Variants in ZNF511 observed in about 807,000 individuals in gnomAD.
ZNF511 encodes zinc finger protein 511.
A neutral mutation model predicts 24.8 loss-of-function variants in ZNF511; 26 were observed. The observed-to-expected ratio is 1.05, with a 90% CI of 0.77 to 1.46. The LOEUF (loss-of-function observed/expected upper bound fraction) is 1.46, where lower values mean the gene tolerates loss of function less well. Ranked by LOEUF, ZNF511 falls within the 40% of genes most tolerant of loss-of-function variation. ZNF511 has a pLI of 0.00. For missense variants in ZNF511, 358 were observed against 345.0 expected (o/e 1.04, Z -0.30); for synonymous variants, 144 against 139.6 (o/e 1.03, Z -0.22).
In ZNF511 at chr10:133,310,273, C is replaced by G. The variant is rs1847960132; in HGVS notation, c.539C>G (p.Pro180Arg). 1.2e-6 allele frequency: 2 copies of G among 1,613,948 alleles called. No homozygotes were observed. Among genetic ancestry groups the G allele is most frequent in the Non-Finnish European group, 1.7e-6 (2 of 1,180,036 alleles). ...CCCGCGGACTTCCGGTTTGATAAGC[C>G]AAAGAAAAGCAGAAGGTAGGGAGCC... ...LYPADFRFDK[P>R]KKSRSPASAE... Residue 180 changes from proline to arginine, a missense_variant, in exon 4 of 6, where the codon CCA (proline) becomes CGA (arginine). By Grantham distance (103) the Pro-to-Arg change is moderately radical. Coordinates refer to ENST00000361518, the MANE Select transcript of ZNF511 (RefSeq NM_145806.4).
intron 4 of ZNF511, among the ~76,000 whole-genome samples, chr10:133,310,905 G>A (rs12355950): frequency 0.019 from 2,946 of 152,010 alleles, 42 homozygotes; most frequent in Non-Finnish European, 0.03. Flanking sequence ...AGGCTCAAGC[G>A]ATTCTCCCAC....
At chr10:133,311,367 A>G (rs1463035453) in intron 4 of ZNF511, among the ~76,000 whole-genome samples, 2 of 152,250 alleles carry the variant, frequency 1.3e-5, no homozygotes, top group Non-Finnish European at 1.5e-5. Flanking sequence ...CATTCGTATT[A>G]TGGAAGAGAC....
chr10:133,312,867 T>A lies in ZNF511; in HGVS notation c.*1T>A, dbSNP rs761887969. On this transcript the variant is annotated 3_prime_UTR_variant, in exon 6 of 6. Transcript: ENST00000361518. ...CAAGAAGAAAACCAAACAATGCTGATAGACTCAGAAAAGGAGTGGGGGGCA... is the reference window on the plus strand; with the variant it reads ...CAAGAAGAAAACCAAACAATGCTGAAAGACTCAGAAAAGGAGTGGGGGGCA... 6 of 1,614,174 alleles carry A rather than the reference T, an allele frequency of 3.7e-6. No individual in the cohort carries two copies. In the South Asian group the frequency reaches 6.6e-5, roughly 18 times the overall value.
chr10:133,309,748 G>C (rs1476847551), intron 2 of ZNF511, 28 bp from the exon 3 acceptor site: 1 of 1,611,356 alleles, frequency 6.2e-7, no homozygotes, highest in East Asian at 2.2e-5. Context: ...ACCGGAGGAA[G>C]GGCTCCTGAA....
chr10:133,309,733 C>T (rs1847943862), intron 2 of ZNF511, 43 bp from the exon 3 acceptor site: 1 of 1,608,100 alleles, frequency 6.2e-7, no homozygotes, highest in Non-Finnish European at 8.5e-7. Flanking sequence ...AGCTTGGTTC[C>T]TCGCACCGGA....
chr10:133,309,173 G>T, intron 1 of ZNF511, 77 bp downstream of exon 1: 1 of 1,372,614 alleles, frequency 7.3e-7, no homozygotes, highest in South Asian at 1.7e-5. Flanking sequence ...CCGGAGCCTG[G>T]AGTGGGAGGG....
intron 2 of ZNF511, 40 bp from the exon 3 acceptor site, chr10:133,309,736 G>A (rs150729578): frequency 6.2e-7 from 1 of 1,607,268 alleles, no homozygotes; most frequent in Non-Finnish European, 8.5e-7. Context: ...TTGGTTCCTC[G>A]CACCGGAGGA....
At chr10:133,309,666 CA>C in intron 2 of ZNF511, 109 bp from the exon 3 acceptor site, 1 of 1,382,864 alleles carries the variant, frequency 7.2e-7, no homozygotes, top group Non-Finnish European at 1.0e-6. Flanking sequence ...TTTGGGATTG[CA>C]AAAGATGCAT....
In ZNF511 at chr10:133,309,451, C is replaced by T. The variant is rs367646550; in HGVS notation, c.215C>T (p.Pro72Leu). 2.5e-6 allele frequency: 4 copies of T among 1,612,288 alleles called. No homozygotes were observed. Among genetic ancestry groups the T allele is most frequent in the Non-Finnish European group, 3.4e-6 (4 of 1,179,690 alleles). The change falls in exon 2 of 6, where the codon CCT becomes CTT. Residue 72 changes from proline (P) to leucine (L), a missense_variant. Physicochemically the swap from Pro to Leu is moderately conservative, Grantham distance 98. Coordinates refer to ENST00000361518, the MANE Select transcript of ZNF511 (RefSeq NM_145806.4). ...GTGATCATGCAGGTGGCCGACGTGCCTGAGAAGCCCAGGTAAGCGAATGGG... is the reference window on the plus strand; with the variant it reads ...GTGATCATGCAGGTGGCCGACGTGCTTGAGAAGCCCAGGTAAGCGAATGGG... ...QDVIMQVADV[P>L]EKPRVPAFAC... is the part of the protein sequence containing the mutation.
In ZNF511 at chr10:133,309,884, C is replaced by A; in HGVS notation, c.336C>A (p.Cys112Ter). 1 of 1,613,802 alleles carries A rather than the reference C, an allele frequency of 6.2e-7. No homozygotes were observed. Among genetic ancestry groups the A allele is most frequent in the Non-Finnish European group, 8.5e-7 (1 of 1,180,032 alleles). ...HTLHGNVCSFCKRAFPSGHLL... is the reference protein window; with the variant it reads ...HTLHGNVCSF ...TGCACGGAAATGTTTGCTCCTTTTG[C>A]AAGCGGGCCTTCCCTTCCGGACACC... Residue 112 changes from cysteine to a stop codon, truncating the protein, a stop_gained, in exon 3 of 6, where the codon TGC becomes TGA. Coordinates refer to ENST00000361518, the MANE Select transcript of ZNF511 (RefSeq NM_145806.4). LOFTEE classifies it high-confidence loss of function.
chr10:133,310,401 G>A, intron 4 of ZNF511, 113 bp downstream of exon 4: 2 of 1,368,708 alleles, frequency 1.5e-6, no homozygotes, highest in Non-Finnish European at 2.0e-6. Flanking sequence ...GTCACCTAAT[G>A]GGGTGTTCAC....
intron 4 of ZNF511, 75 bp from the exon 5 acceptor site, chr10:133,311,641 T>C: frequency 7.8e-7 from 1 of 1,285,380 alleles, no homozygotes; most frequent in South Asian, 1.3e-5. Context: ...GTTTCTTTCT[T>C]GCATGTTCAT....
chr10:133,312,337 AAATT>A (rs1239087438), intron 5 of ZNF511: 4 of 1,163,338 alleles, frequency 3.4e-6, no homozygotes, highest in Non-Finnish European at 4.3e-6. Flanking sequence ...AGTTGATTTT[AAATT>A]AATTTGGGAA....
In ZNF511 at chr10:133,310,014, C is replaced by A. The variant is rs1847952661; in HGVS notation, c.429+37C>A. 15 of 1,611,118 alleles carry A rather than the reference C, an allele frequency of 9.3e-6. No homozygotes were observed. The East Asian group carries it at 3.1e-4, about 34-fold the overall frequency. ...CTGCACAGCCGCCGAGGCCACCCCC[C>A]ATTGGTGATGGGCTCAGAGTGCTGC... is the stretch of plus-strand genomic sequence containing the variant. On this transcript the variant is annotated intron_variant, in intron 3 of 5. Coordinates refer to ENST00000361518, the MANE Select transcript of ZNF511 (RefSeq NM_145806.4).
chr10:133,312,152 C>A (rs1372026293), intron 5 of ZNF511: 2 of 1,433,550 alleles, frequency 1.4e-6, no homozygotes, highest in Non-Finnish European at 1.8e-6. Flanking sequence ...CAGGCGTCTG[C>A]CTTAATAGCA....
chr10:133,308,955 C>T lies in ZNF511; in HGVS notation c.12C>T (p.Pro4=), dbSNP rs987976908. Residue 4 remains proline (P), a synonymous_variant, in exon 1 of 6, where the codon CCC becomes CCT. Transcript: ENST00000361518. ...CCGCGCCCGGGGTGATGCAGTTGCC[C>T]CCCGCGCTGTGCGCCCGCCTCGCTG... The part of the protein sequence containing the change: MQL[P]PALCARLAAG... The T allele has an allele frequency of 4.9e-4, 605 of 1,237,310 alleles. 1 individual carries two copies. The highest frequency in any genetic ancestry group is 5.9e-4 in the Non-Finnish European group (578 of 983,964). The allele number at this position is 1,237,310 out of a possible 1,614,324, so 76.6% of individuals were successfully genotyped here. A position where few individuals can be genotyped will look rare whatever the true frequency, so the allele number is the denominator to read the frequency against.
At chr10:133,310,804 A>G (rs535472990) in intron 4 of ZNF511, among the ~76,000 whole-genome samples, 4 of 151,378 alleles carry the variant, frequency 2.6e-5, no homozygotes, top group Admixed American at 1.3e-4. Flanking sequence ...TCCAGGAACA[A>G]TCTTTTTTTT....
chr10:133,311,682 T>A (rs111577243), intron 4 of ZNF511, 34 bp from the exon 5 acceptor site: 2 of 1,580,870 alleles, frequency 1.3e-6, no homozygotes, highest in South Asian at 2.2e-5. Flanking sequence ...GTGGGAGCCG[T>A]GCAGGGCAGT....
In ZNF511 at chr10:133,312,803, C is replaced by G. The variant is rs1197408684; in HGVS notation, c.696C>G (p.Ile232Met). 6.2e-7 allele frequency: 1 copy of G among 1,614,132 alleles called. No individual in the cohort carries two copies. The highest frequency in any genetic ancestry group is 1.3e-5 in the African/African-American group (1 of 74,960). The change falls in exon 6 of 6, where the codon ATC (isoleucine) becomes ATG (methionine). Residue 232 changes from isoleucine to methionine, a missense_variant. Physicochemically the swap from Ile to Met is conservative, Grantham distance 10. Transcript: ENST00000361518. ...RIYRHRIPST[I>M]CFGQGAARGF... ...TCCATCCCAGAATACCCTCTACCAT[C>G]TGCTTTGGTCAGGGTGCCGCTCGAG...
Sources: gnomAD v4.1 joint callset for allele counts (sites outside exome capture counted in the v4.1 genomes callset) on GRCh38, gnomAD v4.1.1 for gene constraint, MANE v1.5 for transcripts, NCBI Gene and HGNC (gene_info 2026-07-23, HGNC 2026-07-21) for gene names.